SCNM1: variants seen among roughly 807,000 people sequenced by gnomAD.
SCNM1 encodes the protein sodium channel modifier 1.
Under a neutral mutation model 32.8 loss-of-function variants are expected in SCNM1, and 24 were observed. The observed-to-expected ratio is 0.73, with a 90% confidence interval of 0.53 to 1.03. The LOEUF (loss-of-function observed/expected upper bound fraction) is 1.03, where lower values mean the gene tolerates loss of function less well. Among genes scored for constraint, SCNM1 ranks in the 50% least tolerant of loss-of-function variants. The pLI is 0.00. For missense variants in SCNM1, 274 were observed against 282.3 expected, an observed-to-expected ratio of 0.97 and a Z score of 0.21; for synonymous variants, 99 against 103.2, an observed-to-expected ratio of 0.96 and a Z score of 0.25.
At chr1:151,166,436 G>T in intron 1 of SCNM1, 35 bp from the exon 2 acceptor site, 1 of 1,613,310 alleles carries the variant, frequency 6.2e-7, no homozygotes, top group Non-Finnish European at 8.5e-7. Context: ...CTATCCCGCT[G>T]ATCCCGTCCG....
rs776847576 is a variant in SCNM1, at chr1:151,168,966, A to G, written c.594-20A>G. Reference sequence around the variant, plus strand: ...ATAAGCCTCTTTCCTGATCGATGCTATTTTCTCTGATGTTTCCAGCTCTGG... The same window carrying G: ...ATAAGCCTCTTTCCTGATCGATGCTGTTTTCTCTGATGTTTCCAGCTCTGG... On this transcript the variant is annotated intron_variant, in intron 6 of 6. Coordinates refer to ENST00000368905, the MANE Select transcript of SCNM1 (RefSeq NM_024041.4). 6 of 1,613,204 alleles carry G rather than the reference A, an allele frequency of 3.7e-6. No homozygotes were observed. The highest frequency in any genetic ancestry group is 2.7e-5 in the African/African-American group (2 of 74,702).
chr1:151,166,323 A>T, intron 1 of SCNM1, 120 bp downstream of exon 1: 1 of 1,536,760 alleles, frequency 6.5e-7, no homozygotes, highest in Non-Finnish European at 8.8e-7. Context: ...GGCGACTTAG[A>T]GCTGTGTAGT....
At chr1:151,166,293 G>A (rs1683696061) in intron 1 of SCNM1, 90 bp downstream of exon 1, 7 of 1,546,548 alleles carry the variant, frequency 4.5e-6, no homozygotes, top group Non-Finnish European at 5.2e-6. Flanking sequence ...GCAACAACTC[G>A]GGGGTGCAGG....
In SCNM1 at chr1:151,167,057, C is replaced by A. The variant is rs1401665675; in HGVS notation, c.211+35C>A. ...GGGGAAGACGGGATGGGGAATAAAC[C>A]CTCGAAATCTCTGCACACCACTCTT... On this transcript the variant is annotated intron_variant, in intron 3 of 6. Coordinates refer to ENST00000368905, the MANE Select transcript of SCNM1 (RefSeq NM_024041.4). 4 of 1,614,024 alleles carry A rather than the reference C, an allele frequency of 2.5e-6. No individual in the cohort carries two copies. In the African/African-American group the frequency reaches 5.3e-5, roughly 22 times the overall value.
intron 5 of SCNM1, chr1:151,167,658 C>T (rs1683769770): frequency 2.2e-6 from 1 of 459,544 alleles, no homozygotes; most frequent in East Asian, 4.6e-5. Context: ...ATGGTGAAAT[C>T]CTGTCTCTAC....
In SCNM1 at chr1:151,169,818, G is replaced by T. The variant is rs1231040545; in HGVS notation, c.*733G>T. ...AGAAGAGTCAAAAGGCATTGGCAGGGTTATGGGGAACACCAAGGGAGGGAA... is the reference window on the plus strand; with the variant it reads ...AGAAGAGTCAAAAGGCATTGGCAGGTTTATGGGGAACACCAAGGGAGGGAA... On this transcript the variant is annotated 3_prime_UTR_variant, in exon 7 of 7. Coordinates refer to ENST00000368905, the MANE Select transcript of SCNM1 (RefSeq NM_024041.4). 1 of 506,088 alleles carries T rather than the reference G, an allele frequency of 2.0e-6. No homozygotes were observed. Among genetic ancestry groups the T allele is most frequent in the Non-Finnish European group, 3.6e-6 (1 of 279,932 alleles). The allele number at this position is 506,088 out of a possible 1,614,324, so 31.3% of individuals were successfully genotyped here.
chr1:151,167,558 G>A (rs1419311617), intron 5 of SCNM1, 144 bp downstream of exon 5: 9 of 1,161,150 alleles, frequency 7.8e-6, no homozygotes, highest in East Asian at 2.5e-5. Context: ...TTGGCTGGGC[G>A]CGGTGACTCA....
At chr1:151,166,597 CTTTT>C in intron 2 of SCNM1, 56 bp downstream of exon 2, 5 of 1,319,940 alleles carry the variant, frequency 3.8e-6, no homozygotes, top group Admixed American at 2.4e-5. Flanking sequence ...GCTCAATAGA[CTTTT>C]TTTTTTTTTT....
rs770131959 is a variant in SCNM1, at chr1:151,166,455, C to T, written c.52-16C>T. The T allele has an allele frequency of 2.5e-6, 4 of 1,613,938 alleles. No homozygotes were observed. Among genetic ancestry groups the T allele is most frequent in the Non-Finnish European group, 3.4e-6 (4 of 1,179,954 alleles). ...CCCGCTGATCCCGTCCGGATTTCTT[C>T]CCCTACTCCCTGCAGAAAAGAAGAG... On this transcript the variant is annotated splice_polypyrimidine_tract_variant and intron_variant, in intron 1 of 6. Coordinates refer to ENST00000368905, the MANE Select transcript of SCNM1 (RefSeq NM_024041.4).
intron 1 of SCNM1, 32 bp downstream of exon 1, chr1:151,166,235 T>A (rs1228376625): frequency 6.3e-7 from 1 of 1,575,894 alleles, no homozygotes; most frequent in Middle Eastern, 1.7e-4. Flanking sequence ...CTGGAGCCGC[T>A]TCAGTCGCTC....
Position 151,166,358 on chromosome 1 carries a change from CT to C in SCNM1, c.52-112del, listed in dbSNP as rs1683700880. 1.6e-5 allele frequency: 24 copies of C among 1,547,014 alleles called. No homozygotes were observed. The South Asian group carries it at 2.9e-4, about 18-fold the overall frequency. The stretch of plus-strand genomic sequence containing the variant: ...TGACTCCTTTTTCGGTCTATGATCG[CT>C]GTTCTCCCCAGGGTCCTTATTCCAT... On this transcript the variant is annotated intron_variant, in intron 1 of 6. Transcript: ENST00000368905.
intron 5 of SCNM1, chr1:151,167,942 A>G (rs1553277053): frequency 1.9e-6 from 1 of 525,916 alleles, no homozygotes; most frequent in Non-Finnish European, 3.1e-6. Flanking sequence ...TTTAAAAACT[A>G]TACAAAGTCT....
chr1:151,168,032 T>C, intron 5 of SCNM1, 112 bp from the exon 6 acceptor site: 1 of 1,223,446 alleles, frequency 8.2e-7, no homozygotes, highest in South Asian at 1.9e-5. Flanking sequence ...ATGCAGAACT[T>C]ATTAATATCT....
Position 151,170,054 on chromosome 1 carries a change from C to G in SCNM1, c.*969C>G. On this transcript the variant is annotated 3_prime_UTR_variant, in exon 7 of 7. Coordinates refer to ENST00000368905, the MANE Select transcript of SCNM1 (RefSeq NM_024041.4). ...GGATTTAAGTGTCCAGTGCTCCCAG[C>G]GCTAGTTGGTAAAGGGAAATGCAGT... The G allele has an allele frequency of 6.2e-7, 1 of 1,613,754 alleles. No individual in the cohort carries two copies. Among genetic ancestry groups the G allele is most frequent in the East Asian group, 2.2e-5 (1 of 44,880 alleles).
chr1:151,168,285 ACC>A lies in SCNM1; in HGVS notation c.542_543del (p.Pro181HisfsTer32), dbSNP rs1445093942. The A allele has an allele frequency of 6.2e-7, 1 of 1,613,984 alleles. No individual in the cohort carries two copies. Among genetic ancestry groups the A allele is most frequent in the East Asian group, 2.2e-5 (1 of 44,882 alleles). On this transcript the variant is annotated frameshift_variant, in exon 6 of 7. Coordinates refer to ENST00000368905, the MANE Select transcript of SCNM1 (RefSeq NM_024041.4). LOFTEE classifies it high-confidence loss of function. ...AGTCAGCAACTGTCTCAGCCCCTGC[ACC>A]CATGAGCCCCACAAGAAGACGAGCC... The part of the protein sequence containing the change: ...EESATVSAPA[P>X]MSPTRRRALD...
chr1:151,167,056 C>T (rs1683737781), intron 3 of SCNM1, 34 bp downstream of exon 3: 2 of 1,614,056 alleles, frequency 1.2e-6, no homozygotes, highest in Admixed American at 1.7e-5. Context: ...GGGGAATAAA[C>T]CCTCGAAATC....
intron 2 of SCNM1, 134 bp from the exon 3 acceptor site, chr1:151,166,800 C>A: frequency 7.2e-7 from 1 of 1,391,396 alleles, no homozygotes. Flanking sequence ...CCAGTGAGGA[C>A]TGGAAGAAGT....
rs368689372 is a variant in SCNM1, at chr1:151,168,354, C to A, written c.593+16C>A. On this transcript the variant is annotated intron_variant, in intron 6 of 6. Transcript: ENST00000368905. ...CCCTTCGAAGGTGAGTATGCCTAAT[C>A]AGTTTCCTCAGATTTTCTTTTCTCT... 28 of 1,559,910 alleles carry A rather than the reference C, an allele frequency of 1.8e-5. No individual in the cohort carries two copies. In the African/African-American group the frequency reaches 3.7e-4, roughly 21 times the overall value.
chr1:151,166,368 C>A, intron 1 of SCNM1, 103 bp from the exon 2 acceptor site: 1 of 1,557,436 alleles, frequency 6.4e-7, no homozygotes, highest in Non-Finnish European at 8.7e-7. Flanking sequence ...CTGTTCTCCC[C>A]AGGGTCCTTA....
Sources: allele counts gnomAD v4.1 joint callset, GRCh38; gene constraint gnomAD v4.1.1; transcripts MANE v1.5; gene names NCBI Gene and HGNC (gene_info 2026-07-23, HGNC 2026-07-21).